The following DLG2 variants were observed in gnomAD, a reference collection of about 807,000 sequenced individuals.
DLG2 encodes disks large homolog 2.
DLG2 carries 45 observed loss-of-function variants against 132.5 expected under a neutral mutation model. The ratio of observed to expected loss-of-function variants is 0.34; its 90% confidence interval spans 0.27 to 0.44. The LOEUF (loss-of-function observed/expected upper bound fraction) is 0.44. DLG2 is among the 20% of genes least tolerant of loss of function. The pLI is 1.00. For synonymous variants in DLG2, 424 were observed against 419.6 expected, an observed-to-expected ratio of 1.01 and a Z score of -0.13; for missense variants, 1,045 against 1,196.9, an observed-to-expected ratio of 0.87 and a Z score of 1.87.
At chr11:85,240,220 T>C (rs2152673769) in intron 4 of DLG2, among the ~76,000 whole-genome samples, 1 of 152,018 alleles carries the variant, frequency 6.6e-6, no homozygotes, top group East Asian at 1.9e-4. Context: ...TATTTTTCCT[T>C]TGGTTTACTT....
At chr11:84,101,753 C>T (rs917326377) in intron 9 of DLG2, among the ~76,000 whole-genome samples, 2 of 152,042 alleles carry the variant, frequency 1.3e-5, no homozygotes, top group African/African-American at 4.8e-5. Context: ...ATATTGGTCT[C>T]ACTGTAGTTA....
chr11:83,798,386 T>G (rs1245945812), intron 17 of DLG2, among the ~76,000 whole-genome samples: 1 of 152,256 alleles, frequency 6.6e-6, no homozygotes, highest in Admixed American at 6.5e-5. Flanking sequence ...AGGTACTTAC[T>G]AAATAGTTGC....
At chr11:85,198,338 A>G (rs2081211868) in intron 4 of DLG2, among the ~76,000 whole-genome samples, 1 of 152,188 alleles carries the variant, frequency 6.6e-6, no homozygotes, top group Admixed American at 6.5e-5. Context: ...GACCCCTTTA[A>G]GAACACACTG....
At chr11:84,480,833 G>A (rs924515502) in intron 7 of DLG2, among the ~76,000 whole-genome samples, 1 of 150,950 alleles carries the variant, frequency 6.6e-6, no homozygotes, top group Non-Finnish European at 1.5e-5. Context: ...TCACCTCCCG[G>A]GTTCAAGCGA....
In DLG2 at chr11:84,051,321, A is replaced by T. The variant is rs533912119; in HGVS notation, c.919+7994T>A. On this transcript the variant is annotated intron_variant, in intron 11 of 27. Transcript: ENST00000376104. ...ATCGTGTTGCTAGAAAGACACATGCACACGTATGTTTATTGTGGCACTATT... is the reference window on the plus strand; with the variant it reads ...ATCGTGTTGCTAGAAAGACACATGCTCACGTATGTTTATTGTGGCACTATT... 2.6e-5 allele frequency among the ~76,000 whole-genome samples: 4 copies of T among 152,096 alleles called. No homozygotes were observed. In the East Asian group the frequency reaches 7.8e-4, roughly 30 times the overall value.
rs144577396 is a variant in DLG2, at chr11:84,641,485, A to G, written c.358-106754T>C. On this transcript the variant is annotated intron_variant, in intron 6 of 27. Transcript: ENST00000376104. ...CCTTCCTTCTGAATCCATCCTTAAA[A>G]CAAGCTCAAAGCCTAATGATGAGAA... 2.5e-3 allele frequency among the ~76,000 whole-genome samples: 388 copies of G among 152,220 alleles called. 3 individuals carry two copies. The highest frequency in any genetic ancestry group is 4.1e-3 in the Non-Finnish European group (278 of 68,010).
intron 7 of DLG2, among the ~76,000 whole-genome samples, chr11:84,257,620 T>A (rs78234913): frequency 0.016 from 2,397 of 151,086 alleles, 61 homozygotes; most frequent in African/African-American, 0.053. Context: ...GCAATCTGGC[T>A]CCAGAGCCAT....
intron 5 of DLG2, among the ~76,000 whole-genome samples, chr11:85,145,421 T>A (rs771559801): frequency 6.6e-6 from 1 of 152,142 alleles, no homozygotes; most frequent in Non-Finnish European, 1.5e-5. Context: ...TCTTACCTGA[T>A]CTCTTTCTTT....
At chr11:84,280,216 A>T (rs983748572) in intron 7 of DLG2, among the ~76,000 whole-genome samples, 6 of 152,250 alleles carry the variant, frequency 3.9e-5, no homozygotes, top group African/African-American at 1.4e-4. Context: ...GTGTCTCTAT[A>T]TACTAGCAAT....
At chr11:84,090,935 G>T (rs1054149227) in intron 10 of DLG2, among the ~76,000 whole-genome samples, 1 of 152,110 alleles carries the variant, frequency 6.6e-6, no homozygotes, top group African/African-American at 2.4e-5. Context: ...TACTGATACA[G>T]GGAAAGGTCT....
intron 8 of DLG2, among the ~76,000 whole-genome samples, chr11:84,207,832 A>C (rs2096693815): frequency 1.3e-5 from 2 of 152,228 alleles, no homozygotes; most frequent in African/African-American, 4.8e-5. Flanking sequence ...TGAGAAAGTG[A>C]AAATGTAAGC....
chr11:84,984,463 C>T (rs2056207623), intron 6 of DLG2, among the ~76,000 whole-genome samples: 2 of 151,776 alleles, frequency 1.3e-5, no homozygotes, highest in African/African-American at 4.8e-5. Context: ...GCCAGCACTA[C>T]AAGAACTGCT....
At chr11:84,677,995 A>G (rs1456451365) in intron 6 of DLG2, among the ~76,000 whole-genome samples, 2 of 152,082 alleles carry the variant, frequency 1.3e-5, no homozygotes, top group Non-Finnish European at 2.9e-5. Flanking sequence ...GACTGAAGGA[A>G]GTCCAAGTCT....
rs61907755 is a variant in DLG2 at position 84,935,616 on chromosome 11, C to A, written c.357+176045G>T. 8.5e-3 allele frequency among the ~76,000 whole-genome samples: 1,290 copies of A among 152,242 alleles called. 8 individuals carry two copies. The highest frequency in any genetic ancestry group is 0.014 in the Non-Finnish European group (928 of 68,016). Reference sequence around the variant, plus strand: ...CCCTCTAGAAGACATTTGGCAATGTCTGGACACACTTTTGGTTATTATAAC... The same window carrying A: ...CCCTCTAGAAGACATTTGGCAATGTATGGACACACTTTTGGTTATTATAAC... On this transcript the variant is annotated intron_variant, in intron 6 of 27. Coordinates refer to ENST00000376104, the MANE Select transcript of DLG2 (RefSeq NM_001142699.3).
intron 14 of DLG2, among the ~76,000 whole-genome samples, chr11:83,953,386 G>A (rs2085971522): frequency 6.6e-6 from 1 of 152,116 alleles, no homozygotes; most frequent in Admixed American, 6.6e-5. Flanking sequence ...TCAAAGGAGC[G>A]AACCCTACTG....
intron 19 of DLG2, among the ~76,000 whole-genome samples, chr11:83,551,160 C>A (rs563680751): frequency 4.4e-4 from 67 of 152,194 alleles, no homozygotes; most frequent in East Asian, 3.9e-4. Flanking sequence ...AATCCCTGTC[C>A]GACAGGGTCC....
At chr11:84,338,552 C>T (rs369317158) in intron 7 of DLG2, among the ~76,000 whole-genome samples, 17 of 152,226 alleles carry the variant, frequency 1.1e-4, no homozygotes, top group South Asian at 1.0e-3. Context: ...AGTCCGGGCA[C>T]GGTGGCTCAA....
chr11:83,516,248 C>G (rs1044604422), intron 21 of DLG2, among the ~76,000 whole-genome samples: 1 of 152,148 alleles, frequency 6.6e-6, no homozygotes, highest in African/African-American at 2.4e-5. Flanking sequence ...GTTAGCTCTT[C>G]TTGTTGAATT....
rs2095063905 is a variant in DLG2 at position 84,014,514 on chromosome 11, G to A, written c.920-33872C>T. ...ATCTTCTCTGTATCTGACCAATCTG[G>A]TCAACTAGTCTTGTTCCTATTACAC... On this transcript the variant is annotated intron_variant, in intron 11 of 27. Coordinates refer to ENST00000376104, the MANE Select transcript of DLG2 (RefSeq NM_001142699.3). Among the ~76,000 whole-genome samples, 4 of 152,114 alleles carry A rather than the reference G, an allele frequency of 2.6e-5. No individual in the cohort carries two copies. In the South Asian group the frequency reaches 8.3e-4, roughly 31 times the overall value.
Sources: gnomAD v4.1 joint callset for allele counts (sites outside exome capture counted in the v4.1 genomes callset) on GRCh38, gnomAD v4.1.1 for gene constraint, MANE v1.5 for transcripts, NCBI Gene and HGNC (gene_info 2026-07-23, HGNC 2026-07-21) for gene names.